Variants in ITPR2 observed in about 807,000 individuals in gnomAD.
ITPR2 encodes the protein inositol 1,4,5-trisphosphate-gated calcium channel ITPR2.
A neutral mutation model predicts 317.1 loss-of-function variants in ITPR2; 207 were observed. The observed-to-expected ratio is 0.65, with a 90% CI of 0.58 to 0.73. The LOEUF is 0.73. Ranked by LOEUF, ITPR2 falls within the 30% of genes least tolerant of loss-of-function variation. The pLI, the probability that ITPR2 is intolerant of heterozygous loss-of-function variation, is 0.00. For missense variants in ITPR2, 2,613 were observed against 3,284.0 expected (o/e 0.80, Z 4.99); for synonymous variants, 1,156 against 1,149.1 (o/e 1.01, Z -0.12).
chr12:26,476,379 G>C (rs1434336136), intron 44 of ITPR2, among the ~76,000 whole-genome samples: 5 of 152,122 alleles, frequency 3.3e-5, no homozygotes, highest in Admixed American at 3.3e-4. Context: ...CATGCCACGA[G>C]TGAGAAAGAA....
intron 1 of ITPR2, among the ~76,000 whole-genome samples, chr12:26,832,177 G>A (rs558594998): frequency 1.3e-5 from 2 of 152,242 alleles, no homozygotes; most frequent in African/African-American, 4.8e-5. Flanking sequence ...AAGAGGGGAC[G>A]GTGAGCTCCT....
intron 43 of ITPR2, among the ~76,000 whole-genome samples, chr12:26,480,363 T>C (rs1942519219): frequency 6.6e-6 from 1 of 152,156 alleles, no homozygotes; most frequent in Non-Finnish European, 1.5e-5. Context: ...GAAAGTATTT[T>C]GGGGAAAAAC....
intron 34 of ITPR2, among the ~76,000 whole-genome samples, chr12:26,565,415 A>C (rs1233124201): frequency 6.6e-6 from 1 of 151,714 alleles, no homozygotes; most frequent in Non-Finnish European, 1.5e-5. Context: ...AGTCCCCAGA[A>C]GGCTTACTTT....
chr12:26,488,591 A>G (rs938750117), intron 39 of ITPR2, among the ~76,000 whole-genome samples: 2 of 152,214 alleles, frequency 1.3e-5, no homozygotes, highest in African/African-American at 4.8e-5. Context: ...CTCAAGAAAG[A>G]AGGCCAAAAA....
chr12:26,368,094 A>C (rs766166951), intron 55 of ITPR2, among the ~76,000 whole-genome samples: 24 of 152,248 alleles, frequency 1.6e-4, no homozygotes, highest in Non-Finnish European at 2.9e-4. Flanking sequence ...GCAGAACCTT[A>C]TAATAAAGAA....
At chr12:26,532,157 A>G (rs1017075382) in intron 37 of ITPR2, among the ~76,000 whole-genome samples, 15 of 152,242 alleles carry the variant, frequency 9.9e-5, no homozygotes, top group Admixed American at 7.9e-4. Context: ...GGTGCAAGGA[A>G]TAAGTCATTG....
In ITPR2 at chr12:26,561,764, G is replaced by A. The variant is rs1944825504; in HGVS notation, c.4819C>T (p.Gln1607Ter). 5 of 1,568,192 alleles carry A rather than the reference G, an allele frequency of 3.2e-6. No homozygotes were observed. Among genetic ancestry groups the A allele is most frequent in the Non-Finnish European group, 4.3e-6 (5 of 1,167,232 alleles). ...WDYRNIIEKLQDVVASLEHQF... is the reference protein window; with the variant it reads ...WDYRNIIEKL ...TGCTATTTCACGCTTTCATGTACCT[G>A]TAACTTTTCAATAATATTTCTGTAA... Residue 1607 changes from glutamine to a stop codon, truncating the protein, a stop_gained and splice_region_variant, in exon 35 of 57, where the codon CAG becomes TAG. Transcript: ENST00000381340. LOFTEE classifies it high-confidence loss of function.
chr12:26,484,515 C>T (rs1248513203), intron 41 of ITPR2, among the ~76,000 whole-genome samples: 2 of 152,024 alleles, frequency 1.3e-5, no homozygotes, highest in African/African-American at 2.4e-5. Context: ...GCTTGTTATA[C>T]GAACACCAGA....
rs532034027 is a variant in ITPR2 at position 26,831,426 on chromosome 12, C to T, written c.92+1264G>A. 6.6e-6 allele frequency among the ~76,000 whole-genome samples: 1 copy of T among 152,174 alleles called. No homozygotes were observed. Among genetic ancestry groups the T allele is most frequent in the South Asian group, 2.1e-4 (1 of 4,824 alleles). ...ACAGCTCGAAGTCACTGTCCCGGGT[C>T]GTTGCAGGTTAAGTCATCTGCCCCA... On this transcript the variant is annotated intron_variant, in intron 1 of 56. Transcript: ENST00000381340. The surrounding 1 kb of genome is among the most constrained non-coding windows in gnomAD (Gnocchi z 4.9).
At chr12:26,580,000 A>G (rs906021422) in intron 33 of ITPR2, 27 bp downstream of exon 33, 2 of 1,597,674 alleles carry the variant, frequency 1.3e-6, no homozygotes, top group Admixed American at 3.5e-5. Flanking sequence ...TCTTTGCAAC[A>G]GAATGCTTTG....
intron 7 of ITPR2, 71 bp from the exon 8 acceptor site, chr12:26,715,516 C>T: frequency 2.2e-6 from 3 of 1,360,494 alleles, no homozygotes; most frequent in Non-Finnish European, 3.0e-6. Flanking sequence ...GGTTTTGCTA[C>T]TCTGGGCCCT....
intron 8 of ITPR2, among the ~76,000 whole-genome samples, chr12:26,713,206 A>ATAAGCC (rs1948679828): frequency 6.6e-6 from 1 of 152,208 alleles, no homozygotes; most frequent in African/African-American, 2.4e-5. Context: ...CTGCATTCAG[A>ATAAGCC]TAAGCCCATG....
chr12:26,761,859 A>G (rs998290041), intron 2 of ITPR2, among the ~76,000 whole-genome samples: 1 of 152,222 alleles, frequency 6.6e-6, no homozygotes, highest in Non-Finnish European at 1.5e-5. Flanking sequence ...AAACCAGGAA[A>G]ACAATTACAC....
intron 32 of ITPR2, among the ~76,000 whole-genome samples, chr12:26,588,015 A>C (rs1400355639): frequency 1.3e-5 from 2 of 152,232 alleles, no homozygotes; most frequent in East Asian, 3.8e-4. Flanking sequence ...TGGCACCAAA[A>C]TGGTTTGCCT....
intron 2 of ITPR2, among the ~76,000 whole-genome samples, chr12:26,771,755 C>T (rs532533130): frequency 6.6e-6 from 1 of 152,144 alleles, no homozygotes; most frequent in East Asian, 1.9e-4. Context: ...TCTCGTGATC[C>T]GCCCATCTTG....
intron 2 of ITPR2, among the ~76,000 whole-genome samples, chr12:26,770,479 T>C (rs180823598): frequency 6.6e-5 from 10 of 152,310 alleles, no homozygotes; most frequent in Non-Finnish European, 1.2e-4. Flanking sequence ...CACAATTCTC[T>C]TCTCTGTGCT....
intron 22 of ITPR2, among the ~76,000 whole-genome samples, chr12:26,629,408 G>A (rs561107887): frequency 5.3e-5 from 8 of 152,170 alleles, no homozygotes; most frequent in South Asian, 4.2e-4. Context: ...GCAACATGGC[G>A]AAGTCCCATC....
chr12:26,481,086 A>G, intron 43 of ITPR2, 45 bp downstream of exon 43: 1 of 1,104,660 alleles, frequency 9.1e-7, no homozygotes, highest in Non-Finnish European at 1.4e-6. Flanking sequence ...AGATTGTACT[A>G]TAGAGACTGT....
At chr12:26,428,216 A>T (rs1327540804) in intron 48 of ITPR2, 128 bp from the exon 49 acceptor site, 1 of 558,604 alleles carries the variant, frequency 1.8e-6, no homozygotes, top group African/African-American at 1.9e-5. Flanking sequence ...AAATGACCCC[A>T]TCTACGTTCT....
Sources: gnomAD v4.1 joint callset for allele counts (sites outside exome capture counted in the v4.1 genomes callset) on GRCh38, gnomAD v4.1.1 for gene constraint, Gnocchi (gnomAD v3.1) non-coding constraint, MANE v1.5 for transcripts, NCBI Gene and HGNC (gene_info 2026-07-23, HGNC 2026-07-21) for gene names.